Variants in ATRNL1 observed in about 807,000 individuals in gnomAD.
ATRNL1 encodes attractin-like protein 1.
ATRNL1 carries 95 observed loss-of-function variants against 182.7 expected under a neutral mutation model. The ratio of observed to expected loss-of-function variants is 0.52; its 90% CI spans 0.44 to 0.62. The LOEUF is 0.62. Ranked by LOEUF, ATRNL1 falls within the 20% of genes least tolerant of loss-of-function variation. ATRNL1 has a pLI of 0.00. For synonymous variants in ATRNL1, 576 were observed against 568.3 expected (o/e 1.01, Z -0.19); for missense variants, 1,471 against 1,679.5 (o/e 0.88, Z 2.17).
chr10:115,348,148 A>G (rs1856061001), intron 19 of ATRNL1, among the ~76,000 whole-genome samples: 1 of 151,946 alleles, frequency 6.6e-6, no homozygotes, highest in South Asian at 2.1e-4. Context: ...TAATTTTTGT[A>G]TTTTTAGTAG....
chr10:115,426,295 A>C lies in ATRNL1; in HGVS notation c.3315A>C (p.Thr1105=). ...NRYVGNPLRG[T]CYYSLLIDYQ... The stretch of plus-strand genomic sequence containing the variant: ...ATGTTGGTAATCCACTTAGAGGAAC[A>C]TGTTATTGTAAGTATATGTGTATTC... Residue 1105 remains threonine (T), a synonymous_variant, in exon 21 of 29, where the codon ACA becomes ACC. Transcript: ENST00000355044. 6.2e-7 allele frequency: 1 copy of C among 1,609,592 alleles called. No homozygotes were observed. The highest frequency in any genetic ancestry group is 8.5e-7 in the Non-Finnish European group (1 of 1,176,568).
chr10:115,688,942 A>C (rs1946305817), intron 26 of ATRNL1, among the ~76,000 whole-genome samples: 2 of 152,116 alleles, frequency 1.3e-5, no homozygotes, highest in Admixed American at 1.3e-4. Context: ...TCTTAATTTA[A>C]GTCATTAATG....
At position 115,129,511 on chromosome 10, in the gene ATRNL1, T is replaced by C. The variant is rs782371392; in HGVS notation, c.805T>C (p.Cys269Arg). ...GYCDLTGEKL[C>R]VCNDSWQGPD... Reference sequence around the variant, plus strand: ...CTGTGACCTGACTGGAGAAAAATTATGTGTCTGCAATGATAGTTGGCAAGG... The same window carrying C: ...CTGTGACCTGACTGGAGAAAAATTACGTGTCTGCAATGATAGTTGGCAAGG... Residue 269 changes from cysteine to arginine, a missense_variant, in exon 5 of 29, where the codon TGT (cysteine) becomes CGT (arginine). Cys to Arg is a radical substitution (Grantham distance 180). This residue lies in a region of ATRNL1 where 1,031 missense variants were observed against 1,156.0 expected (regional missense o/e 0.89). Coordinates refer to ENST00000355044, the MANE Select transcript of ATRNL1 (RefSeq NM_207303.4). 6.2e-7 allele frequency: 1 copy of C among 1,613,984 alleles called. No homozygotes were observed. Among genetic ancestry groups the C allele is most frequent in the African/African-American group, 1.3e-5 (1 of 74,912 alleles).
At chr10:115,209,614 T>A (rs1848942980) in intron 8 of ATRNL1, among the ~76,000 whole-genome samples, 1 of 151,742 alleles carries the variant, frequency 6.6e-6, no homozygotes. Flanking sequence ...AATGACCTAC[T>A]TTTGAACCAG....
At chr10:115,187,224 C>G (rs1847977292) in intron 8 of ATRNL1, among the ~76,000 whole-genome samples, 1 of 151,506 alleles carries the variant, frequency 6.6e-6, no homozygotes, top group African/African-American at 2.4e-5. Context: ...TATGACCCCA[C>G]AGGACATAGC....
intron 26 of ATRNL1, 81 bp downstream of exon 26, chr10:115,549,617 C>G: frequency 1.1e-6 from 1 of 891,412 alleles, no homozygotes; most frequent in Non-Finnish European, 1.6e-6. Flanking sequence ...TTACCATGCT[C>G]TCTTGGAATG....
intron 26 of ATRNL1, among the ~76,000 whole-genome samples, chr10:115,713,707 T>TCTATCTATCTATCTATCATCTATCTAG (rs1947153214): frequency 6.4e-5 from 2 of 31,326 alleles, no homozygotes; most frequent in African/African-American, 1.6e-4. Flanking sequence ...CTATCTATCA[T>TCTATCTATCTATCTATCATCTATCTAG]CTATCTATCT....
chr10:115,240,477 A>G (rs2133817076), intron 9 of ATRNL1, among the ~76,000 whole-genome samples: 1 of 151,942 alleles, frequency 6.6e-6, no homozygotes, highest in East Asian at 1.9e-4. Context: ...GATGGTCTTG[A>G]TCTCCTGATC....
At chr10:115,353,049 A>C (rs1341933572) in intron 19 of ATRNL1, among the ~76,000 whole-genome samples, 1 of 152,210 alleles carries the variant, frequency 6.6e-6, no homozygotes, top group Non-Finnish European at 1.5e-5. Context: ...TCACCCGTTG[A>C]ATGAAATGTT....
intron 10 of ATRNL1, among the ~76,000 whole-genome samples, chr10:115,253,971 T>C (rs1465258586): frequency 6.6e-6 from 1 of 152,210 alleles, no homozygotes; most frequent in African/African-American, 2.4e-5. Flanking sequence ...GAACTCATCC[T>C]TTTTTATGGC....
At chr10:115,134,311 G>A (rs1416174413) in intron 5 of ATRNL1, among the ~76,000 whole-genome samples, 1 of 152,046 alleles carries the variant, frequency 6.6e-6, no homozygotes, top group African/African-American at 2.4e-5. Flanking sequence ...AAGAAGAAAA[G>A]AGAGAAGAAT....
chr10:115,319,374 G>C (rs1854467715), intron 18 of ATRNL1, among the ~76,000 whole-genome samples: 1 of 152,344 alleles, frequency 6.6e-6, no homozygotes, highest in African/African-American at 2.4e-5. Context: ...TTGATTTGGG[G>C]TGGAGAGTTT....
intron 26 of ATRNL1, among the ~76,000 whole-genome samples, chr10:115,667,660 T>A (rs1236135068): frequency 6.6e-6 from 1 of 151,576 alleles, no homozygotes; most frequent in Non-Finnish European, 1.5e-5. Flanking sequence ...ATCTTTTTTT[T>A]TTTTCCTCCT....
chr10:115,458,615 G>A (rs1388078188), intron 21 of ATRNL1, among the ~76,000 whole-genome samples: 2 of 152,066 alleles, frequency 1.3e-5, no homozygotes, highest in Non-Finnish European at 2.9e-5. Context: ...GGGCATATTT[G>A]TGGCAGATGC....
intron 8 of ATRNL1, among the ~76,000 whole-genome samples, chr10:115,211,229 T>C (rs906555583): frequency 5.9e-5 from 9 of 151,584 alleles, no homozygotes; most frequent in Non-Finnish European, 1.0e-4. Context: ...AAGAGAGACC[T>C]GCTAATGACA....
chr10:115,807,207 C>T (rs1309965650), intron 27 of ATRNL1, among the ~76,000 whole-genome samples: 2 of 151,404 alleles, frequency 1.3e-5, no homozygotes, highest in African/African-American at 4.9e-5. Context: ...ACTCTGCCTT[C>T]TGGGTTCAAG....
chr10:115,472,711 T>C (rs1554972364), intron 24 of ATRNL1, among the ~76,000 whole-genome samples: 1 of 151,198 alleles, frequency 6.6e-6, no homozygotes, highest in East Asian at 1.9e-4. Flanking sequence ...GCAACTTGAC[T>C]GAGTTTTTTA....
In ATRNL1 at chr10:115,944,797, T is replaced by C; in HGVS notation, c.*18T>C. ...GTGTCTGAGAAATGGAAACCGCTCC[T>C]GTATATTCTGTACTGTTTTACTTCG... On this transcript the variant is annotated 3_prime_UTR_variant, in exon 29 of 29. Transcript: ENST00000355044. 6.2e-7 allele frequency: 1 copy of C among 1,610,984 alleles called. No homozygotes were observed.
intron 27 of ATRNL1, among the ~76,000 whole-genome samples, chr10:115,732,620 G>A (rs533436639): frequency 6.6e-6 from 1 of 151,880 alleles, no homozygotes; most frequent in Non-Finnish European, 1.5e-5. Context: ...ATTTACTATT[G>A]AGGAAACTGA....
Sources: gnomAD v4.1 joint callset for allele counts (sites outside exome capture counted in the v4.1 genomes callset) on GRCh38, gnomAD v4.1.1 for gene constraint, gnomAD v4.1.1 regional missense constraint, MANE v1.5 for transcripts, NCBI Gene and HGNC (gene_info 2026-07-23, HGNC 2026-07-21) for gene names.